Variants in FRMPD4 observed in about 807,000 individuals in gnomAD.
FRMPD4 encodes FERM and PDZ domain containing 4, also known as FERM and PDZ domain-containing protein 4.
FRMPD4 carries 22 observed loss-of-function variants against 94.1 expected under a neutral mutation model. The ratio of observed to expected loss-of-function variants is 0.23; its 90% confidence interval spans 0.17 to 0.33. The LOEUF (loss-of-function observed/expected upper bound fraction) is 0.33, where lower values mean the gene tolerates loss of function less well. FRMPD4 is among the 10% of genes least tolerant of loss of function. The probability of loss-of-function intolerance (pLI) is 1.00; values close to 1 mark genes in which losing one functional copy is unlikely to be tolerated. For missense variants in FRMPD4, 1,111 were observed against 1,339.9 expected (o/e 0.83, Z 2.67); for synonymous variants, 631 against 548.6 (o/e 1.15, Z -2.10).
chrX:12,035,406 A>G (rs1181745928), intron 3 of FRMPD4, among the ~76,000 whole-genome samples: 1 of 111,960 alleles, frequency 8.9e-6, no homozygotes, highest in Non-Finnish European at 1.9e-5. Context: ...GATGGAGTCA[A>G]GCTAAAAACA....
intron 1 of FRMPD4, among the ~76,000 whole-genome samples, chrX:11,824,891 C>G (rs188338961): frequency 2.8e-5 from 3 of 107,702 alleles, no homozygotes; most frequent in African/African-American, 1.0e-4. Context: ...AAACCAGGCT[C>G]TAAATGCATG....
At chrX:12,308,173 A>G (rs192051373) in intron 1 of FRMPD4, among the ~76,000 whole-genome samples, 17 of 111,635 alleles carry the variant, frequency 1.5e-4, no homozygotes, top group African/African-American at 5.2e-4. Flanking sequence ...CCCATTTCAC[A>G]ATCCTCTGGC....
intron 4 of FRMPD4, among the ~76,000 whole-genome samples, chrX:12,651,791 G>C (rs1315693021): frequency 8.9e-6 from 1 of 112,053 alleles, no homozygotes; most frequent in Non-Finnish European, 1.9e-5. Flanking sequence ...CAAACTAAAA[G>C]GGAAATGGAA....
chrX:12,649,377 T>C (rs2059577026), intron 4 of FRMPD4, among the ~76,000 whole-genome samples: 1 of 111,812 alleles, frequency 8.9e-6, no homozygotes, highest in East Asian at 2.8e-4. Flanking sequence ...TAATTTTTAA[T>C]GATTGAATAA....
At chrX:12,660,631 A>G (rs2059704090) in intron 4 of FRMPD4, among the ~76,000 whole-genome samples, 1 of 112,530 alleles carries the variant, frequency 8.9e-6, no homozygotes, top group Non-Finnish European at 1.9e-5. Flanking sequence ...TTTCTTTAAA[A>G]ACATAGTTTT....
intron 3 of FRMPD4, among the ~76,000 whole-genome samples, chrX:12,020,684 C>T (rs1022579595): frequency 8.9e-6 from 1 of 111,779 alleles, no homozygotes; most frequent in African/African-American, 3.3e-5. Flanking sequence ...GGAAATTGCA[C>T]GAGAACAAAT....
rs1006977235 is a variant in FRMPD4, at chrX:12,722,003, T to C, written c.*145T>C. On this transcript the variant is annotated 3_prime_UTR_variant, in exon 17 of 17. Coordinates refer to ENST00000675598, the MANE Select transcript of FRMPD4 (RefSeq NM_001368397.1). ...AAATAGGAGATAAAAGTCACATTGA[T>C]GAAATGTTGAAATGTACTAATCAGA... 1 of 128,174 alleles carries C rather than the reference T, an allele frequency of 7.8e-6. No individual in the cohort carries two copies. Among genetic ancestry groups the C allele is most frequent in the African/African-American group, 3.2e-5 (1 of 31,056 alleles). The allele number at this position is 128,174 out of a possible 1,213,427, so 10.6% of individuals were successfully genotyped here. A position where few individuals can be genotyped will look rare whatever the true frequency, so the allele number is the denominator to read the frequency against.
At chrX:12,534,441 C>T (rs1381499305) in intron 2 of FRMPD4, among the ~76,000 whole-genome samples, 1 of 111,931 alleles carries the variant, frequency 8.9e-6, no homozygotes, top group Non-Finnish European at 1.9e-5. Context: ...CCTTCAGACC[C>T]CAGAATGGTA....
chrX:12,170,431 G>A (rs2056201768), intron 1 of FRMPD4, among the ~76,000 whole-genome samples: 1 of 111,179 alleles, frequency 9.0e-6, no homozygotes, highest in African/African-American at 3.3e-5. Context: ...TAGCTTGTTT[G>A]TTGCCCTGCA....
At chrX:12,104,718 G>A (rs1166134791) in intron 3 of FRMPD4, among the ~76,000 whole-genome samples, 1 of 111,858 alleles carries the variant, frequency 8.9e-6, no homozygotes, top group Non-Finnish European at 1.9e-5. Flanking sequence ...TAGACACCAT[G>A]GTAAATACTT....
At chrX:12,294,501 G>GAA (rs2054741441) in intron 1 of FRMPD4, among the ~76,000 whole-genome samples, 1 of 86,945 alleles carries the variant, frequency 1.2e-5, no homozygotes, top group Non-Finnish European at 2.2e-5. Context: ...GAGAGAGAGA[G>GAA]AGAGTTTTAT....
chrX:12,255,059 T>C (rs2054096011), intron 1 of FRMPD4, among the ~76,000 whole-genome samples: 1 of 111,818 alleles, frequency 8.9e-6, no homozygotes, highest in Non-Finnish European at 1.9e-5. Context: ...TGTCAGCCTC[T>C]TCCTTCCTGC....
chrX:12,077,239 C>T (rs2055027229), intron 3 of FRMPD4, among the ~76,000 whole-genome samples: 1 of 112,101 alleles, frequency 8.9e-6, no homozygotes, highest in East Asian at 2.8e-4. Flanking sequence ...TTAGACCCCA[C>T]ATTTGTGTTC....
chrX:12,380,878 C>T (rs979858906), intron 1 of FRMPD4, among the ~76,000 whole-genome samples: 7 of 111,576 alleles, frequency 6.3e-5, no homozygotes, highest in African/African-American at 2.3e-4. Context: ...CTCCACTGTA[C>T]GGTTGAGAGG....
chrX:12,326,341 C>T (rs1198107707), intron 1 of FRMPD4, among the ~76,000 whole-genome samples: 1 of 111,976 alleles, frequency 8.9e-6, no homozygotes, highest in African/African-American at 3.2e-5. Flanking sequence ...AGTTGGACCA[C>T]AACAGAGTTT....
Position 12,228,961 on chromosome X carries a change from T to C in FRMPD4, c.41+89949T>C, listed in dbSNP as rs145882496. ...CTGTGTCAGTTGATAGGAAGATTTA[T>C]TGGTGTTTTTCATTATGTTAAGTGG... is the stretch of plus-strand genomic sequence containing the variant. On this transcript the variant is annotated intron_variant, in intron 1 of 16. Coordinates refer to ENST00000675598, the MANE Select transcript of FRMPD4 (RefSeq NM_001368397.1). Among the ~76,000 whole-genome samples the C allele has an allele frequency of 4.8e-3, 537 of 112,236 alleles. 4 individuals are homozygous for C. Among genetic ancestry groups the C allele is most frequent in the African/African-American group, 0.017 (516 of 30,936 alleles).
intron 3 of FRMPD4, among the ~76,000 whole-genome samples, chrX:12,049,265 A>C (rs1296028705): frequency 9.0e-6 from 1 of 111,504 alleles, no homozygotes; most frequent in African/African-American, 3.3e-5. Context: ...AATAGATTGC[A>C]TTCTTGATTT....
intron 4 of FRMPD4, among the ~76,000 whole-genome samples, chrX:12,618,534 C>T (rs186993043): frequency 6.3e-5 from 7 of 111,045 alleles, no homozygotes; most frequent in Non-Finnish European, 1.1e-4. Flanking sequence ...GCCATCAACG[C>T]GAAGTGGAAG....
At chrX:12,176,926 C>T (rs753406029) in intron 1 of FRMPD4, among the ~76,000 whole-genome samples, 139 of 111,402 alleles carry the variant, frequency 1.2e-3, no homozygotes, top group African/African-American at 4.5e-3. Flanking sequence ...ATAAGAGCAA[C>T]AAATATAAAA....
Sources: gnomAD v4.1 joint callset for allele counts (sites outside exome capture counted in the v4.1 genomes callset) on GRCh38, gnomAD v4.1.1 for gene constraint, MANE v1.5 for transcripts, NCBI Gene and HGNC (gene_info 2026-07-23, HGNC 2026-07-21) for gene names.